The following KCNK1 variants were observed in gnomAD, a reference collection of about 807,000 sequenced individuals.
KCNK1 encodes the protein potassium two pore domain channel subfamily K member 1, also known as potassium channel subfamily K member 1.
A neutral mutation model predicts 22.2 loss-of-function variants in KCNK1; 10 were observed. The observed-to-expected ratio is 0.45, with a 90% CI of 0.28 to 0.76. The LOEUF (loss-of-function observed/expected upper bound fraction) is 0.76. Among genes scored for constraint, KCNK1 ranks in the 30% least tolerant of loss-of-function variants. The pLI is 0.14. For missense variants in KCNK1, 378 were observed against 421.0 expected (o/e 0.90, Z 0.89); for synonymous variants, 200 against 186.4 (o/e 1.07, Z -0.60).
chr1:233,667,943 A>T (rs952741955), intron 2 of KCNK1, among the ~76,000 whole-genome samples: 6 of 152,210 alleles, frequency 3.9e-5, no homozygotes, highest in Non-Finnish European at 7.3e-5. Flanking sequence ...TTTTTAGAAG[A>T]AGTTCGCCTC....
intron 1 of KCNK1, among the ~76,000 whole-genome samples, chr1:233,645,553 A>G (rs1446839539): frequency 6.6e-6 from 1 of 152,244 alleles, no homozygotes; most frequent in East Asian, 1.9e-4. Context: ...GAGGCAAGAA[A>G]GCCTTTTCCC....
At chr1:233,668,965 G>T (rs1214207203) in intron 2 of KCNK1, among the ~76,000 whole-genome samples, 1 of 152,168 alleles carries the variant, frequency 6.6e-6, no homozygotes, top group Non-Finnish European at 1.5e-5. Flanking sequence ...AAATGAGATT[G>T]CTGGTGCAAA....
intron 1 of KCNK1, among the ~76,000 whole-genome samples, chr1:233,651,392 C>T (rs931286683): frequency 6.6e-6 from 1 of 152,110 alleles, no homozygotes; most frequent in African/African-American, 2.4e-5. Flanking sequence ...TGAAAGCAAA[C>T]CCAGAGGAGG....
chr1:233,650,554 A>G (rs12141983), intron 1 of KCNK1, among the ~76,000 whole-genome samples: 48,633 of 152,034 alleles, frequency 0.32, 8,933 homozygotes, highest in Admixed American at 0.43. Flanking sequence ...ACAGCAATAG[A>G]AGAGTTTAAC....
At chr1:233,629,791 A>G (rs1401969622) in intron 1 of KCNK1, 1 of 152,276 alleles carries the variant, frequency 6.6e-6, no homozygotes, top group Admixed American at 6.5e-5. Context: ...GGAGCTTGTC[A>G]TGGACAGCTC....
intron 1 of KCNK1, among the ~76,000 whole-genome samples, chr1:233,619,090 T>G (rs928777116): frequency 2.0e-5 from 3 of 152,086 alleles, no homozygotes; most frequent in Non-Finnish European, 2.9e-5. Context: ...CTATCGTGGG[T>G]CACTTCAGCC....
chr1:233,658,857 G>A (rs6694698), intron 1 of KCNK1, among the ~76,000 whole-genome samples: 26,274 of 152,154 alleles, frequency 0.17, 2,845 homozygotes, highest in Non-Finnish European at 0.24. Context: ...AATGGGGCTT[G>A]CAGGAATTGA....
chr1:233,653,016 C>G (rs12030872), intron 1 of KCNK1, among the ~76,000 whole-genome samples: 1 of 152,290 alleles, frequency 6.6e-6, no homozygotes, highest in East Asian at 1.9e-4. Context: ...ACTCTGGAGC[C>G]CCATCCCCCA....
chr1:233,655,995 G>C (rs977209888), intron 1 of KCNK1, among the ~76,000 whole-genome samples: 1 of 152,020 alleles, frequency 6.6e-6, no homozygotes, highest in Non-Finnish European at 1.5e-5. Flanking sequence ...TCAGTTAATC[G>C]TAAAGCATTC....
Position 233,614,210 on chromosome 1 carries a change from G to A in KCNK1, c.39G>A (p.Leu13=). 6.2e-7 allele frequency: 1 copy of A among 1,610,154 alleles called. No individual in the cohort carries two copies. The highest frequency in any genetic ancestry group is 2.2e-5 in the East Asian group (1 of 44,820). Residue 13 remains leucine (L), a synonymous_variant, in exon 1 of 3, where the codon CTG becomes CTA. Transcript: ENST00000366621. ...QSLAGSSCVR[L]VERHRSAWCF... ...TGGCCGGCAGCTCGTGCGTGCGCCT[G>A]GTGGAGCGGCACCGCTCGGCCTGGT...
intron 1 of KCNK1, among the ~76,000 whole-genome samples, chr1:233,644,383 C>T (rs569823176): frequency 6.6e-6 from 1 of 152,202 alleles, no homozygotes; most frequent in African/African-American, 2.4e-5. Flanking sequence ...TAAGCACATA[C>T]TTCTGACTAA....
chr1:233,646,405 G>A (rs1658094040), intron 1 of KCNK1, among the ~76,000 whole-genome samples: 1 of 152,142 alleles, frequency 6.6e-6, no homozygotes. Context: ...CGTATTTAAA[G>A]GCATGGATCT....
At chr1:233,671,209 A>G in intron 2 of KCNK1, 62 bp from the exon 3 acceptor site, 1 of 1,492,248 alleles carries the variant, frequency 6.7e-7, no homozygotes, top group South Asian at 1.2e-5. Context: ...GAGGTAAATC[A>G]CTCGCTACTT....
chr1:233,667,507 G>T, intron 2 of KCNK1, among the ~76,000 whole-genome samples: 1 of 151,974 alleles, frequency 6.6e-6, no homozygotes, highest in Non-Finnish European at 1.5e-5. Context: ...GAGGCGGGCG[G>T]ATCACGAGGT....
chr1:233,669,867 A>C (rs1658565521), intron 2 of KCNK1, among the ~76,000 whole-genome samples: 1 of 152,214 alleles, frequency 6.6e-6, no homozygotes, highest in Non-Finnish European at 1.5e-5. Context: ...TGTCATTACT[A>C]TTTTTAAAGT....
At chr1:233,637,479 T>C (rs1372005941) in intron 1 of KCNK1, 1 of 152,238 alleles carries the variant, frequency 6.6e-6, no homozygotes, top group East Asian at 1.9e-4. Context: ...CTCACCAATA[T>C]ACATACCAAT....
intron 1 of KCNK1, among the ~76,000 whole-genome samples, chr1:233,637,590 T>C (rs1399540265): frequency 6.6e-6 from 1 of 152,234 alleles, no homozygotes; most frequent in Non-Finnish European, 1.5e-5. Context: ...GTTTATCTTT[T>C]CTTAAAGACG....
At chr1:233,667,971 AT>A (rs1658529648) in intron 2 of KCNK1, among the ~76,000 whole-genome samples, 1 of 152,178 alleles carries the variant, frequency 6.6e-6, no homozygotes, top group African/African-American at 2.4e-5. Flanking sequence ...TGTTTCCAGA[AT>A]TTTGTGTGTG....
At chr1:233,639,450 T>C (rs1424562424) in intron 1 of KCNK1, among the ~76,000 whole-genome samples, 1 of 152,228 alleles carries the variant, frequency 6.6e-6, no homozygotes, top group African/African-American at 2.4e-5. Context: ...ATGAGAAGGG[T>C]TGATTTTCTG....
Sources: allele counts gnomAD v4.1 joint callset (sites outside exome capture counted in the v4.1 genomes callset), GRCh38; gene constraint gnomAD v4.1.1; transcripts MANE v1.5; gene names NCBI Gene and HGNC (gene_info 2026-07-23, HGNC 2026-07-21).